The following ZNF865 variants were observed in gnomAD, a reference collection of about 807,000 sequenced individuals.
ZNF865 encodes zinc finger protein 865.
For missense variants in ZNF865, 1,311 were observed against 1,593.4 expected (o/e 0.82, Z 3.02); for synonymous variants, 763 against 750.8 (o/e 1.02, Z -0.27).
In ZNF865 at chr19:55,616,810, C is replaced by T. The variant is rs1323993683; in HGVS notation, c.*12C>T. 4 of 1,436,252 alleles carry T rather than the reference C, an allele frequency of 2.8e-6. No individual in the cohort carries two copies. Among genetic ancestry groups the T allele is most frequent in the Non-Finnish European group, 3.6e-6 (4 of 1,100,142 alleles). The allele number at this position is 1,436,252 out of a possible 1,614,324, so 89.0% of individuals were successfully genotyped here. ...GGAAGGATGCCTGACCGAGGGGTTC[C>T]CATCCCACTCCCATCAAAAGCCCCC... On this transcript the variant is annotated 3_prime_UTR_variant, in exon 2 of 2. Coordinates refer to ENST00000568956, the MANE Select transcript of ZNF865 (RefSeq NM_001195605.2).
At chr19:55,612,126 A>C (rs922744013) in intron 1 of ZNF865, among the ~76,000 whole-genome samples, 5 of 152,182 alleles carry the variant, frequency 3.3e-5, no homozygotes, top group Admixed American at 3.3e-4. Context: ...CAAATAGCTC[A>C]GGGGGTTGAA....
chr19:55,614,423 C>T lies in ZNF865; in HGVS notation c.805C>T (p.Arg269Cys), dbSNP rs1385347086. 1 of 1,458,322 alleles carries T rather than the reference C, an allele frequency of 6.9e-7. No individual in the cohort carries two copies. The highest frequency in any genetic ancestry group is 3.0e-5 in the East Asian group (1 of 33,024). The allele number at this position is 1,458,322 out of a possible 1,614,324, so 90.3% of individuals were successfully genotyped here. Residue 269 changes from arginine (R) to cysteine (C), a missense_variant, in exon 2 of 2, where the codon CGC (arginine) becomes TGC (cysteine). Coordinates refer to ENST00000568956, the MANE Select transcript of ZNF865 (RefSeq NM_001195605.2). This position sits in a 1 kb window ranked among gnomAD's most constrained non-coding sequence, Gnocchi z 8.0. ...RTYNHVSSLI[R>C]HRRCHKDVPP... ...CTACAACCACGTGTCCAGCCTCATCCGCCACCGCCGCTGCCACAAGGACGT... is the reference window on the plus strand; with the variant it reads ...CTACAACCACGTGTCCAGCCTCATCTGCCACCGCCGCTGCCACAAGGACGT...
In ZNF865 at chr19:55,615,517, C is replaced by T. The variant is rs897026454; in HGVS notation, c.1899C>T (p.Pro633=). Residue 633 remains proline, a synonymous_variant, in exon 2 of 2, where the codon CCC becomes CCT. Transcript: ENST00000568956. ...RHRQVHRLQL[P]CALAGAAGLP... ...GCCAGGTGCACCGGCTCCAGCTGCCCTGCGCCCTGGCCGGGGCAGCCGGCC... is the reference window on the plus strand; with the variant it reads ...GCCAGGTGCACCGGCTCCAGCTGCCTTGCGCCCTGGCCGGGGCAGCCGGCC... The T allele has an allele frequency of 6.6e-7, 1 of 1,508,902 alleles. No individual in the cohort carries two copies. The highest frequency in any genetic ancestry group is 8.8e-7 in the Non-Finnish European group (1 of 1,134,758). 93.5% of individuals were successfully genotyped at this position (1,508,902 alleles called of 1,614,324 possible).
At position 55,616,941 on chromosome 19, in the gene ZNF865, C is replaced by G; in HGVS notation, c.*143C>G. ...ACTGGCGACCTTCAGGGCGCACGCC[C>G]GACAGGCTCAAGACTGAATCACTCC... On this transcript the variant is annotated 3_prime_UTR_variant, in exon 2 of 2. Coordinates refer to ENST00000568956, the MANE Select transcript of ZNF865 (RefSeq NM_001195605.2). 1 of 863,032 alleles carries G rather than the reference C, an allele frequency of 1.2e-6. No homozygotes were observed. 53.5% of individuals were successfully genotyped at this position (863,032 alleles called of 1,614,324 possible).
At position 55,616,032 on chromosome 19, in the gene ZNF865, T is replaced by A; in HGVS notation, c.2414T>A (p.Leu805Gln). Residue 805 changes from leucine to glutamine, a missense_variant, in exon 2 of 2, where the codon CTG (leucine) becomes CAG (glutamine). Physicochemically the swap from Leu to Gln is moderately radical, Grantham distance 113 (BLOSUM62 -2). Coordinates refer to ENST00000568956, the MANE Select transcript of ZNF865 (RefSeq NM_001195605.2). ...TGCGGCCAGAGTTTCAAGCACTTCC[T>A]GGGCCTCGTGACTCACAAGTACGTG... ...ATCGQSFKHF[L>Q]GLVTHKYVHL... The A allele has an allele frequency of 6.6e-7, 1 of 1,525,918 alleles. No individual in the cohort carries two copies. The highest frequency in any genetic ancestry group is 8.8e-7 in the Non-Finnish European group (1 of 1,142,410). 94.5% of individuals were successfully genotyped at this position (1,525,918 alleles called of 1,614,324 possible).
At position 55,614,494 on chromosome 19, in the gene ZNF865, G is replaced by A; in HGVS notation, c.876G>A (p.Pro292=). The change falls in exon 2 of 2, where the codon CCG becomes CCA. Residue 292 remains proline, a synonymous_variant. Coordinates refer to ENST00000568956, the MANE Select transcript of ZNF865 (RefSeq NM_001195605.2). This position sits in a 1 kb window ranked among gnomAD's most constrained non-coding sequence, Gnocchi z 8.0. The stretch of plus-strand genomic sequence containing the variant: ...CGCCCCAGCCCGGCCCCCACCTCCC[G>A]CCGCTGGGCCTCCCAGCACCCGCTG... The part of the protein sequence containing the change: ...GGPPQPGPHL[P]PLGLPAPAAS... 4 of 842,628 alleles carry A rather than the reference G, an allele frequency of 4.7e-6. No homozygotes were observed. The highest frequency in any genetic ancestry group is 4.1e-5 in the South Asian group (2 of 48,590). The allele number at this position is 842,628 out of a possible 1,614,324, so 52.2% of individuals were successfully genotyped here.
In ZNF865 at chr19:55,616,391, C is replaced by G. The variant is rs2123594585; in HGVS notation, c.2773C>G (p.Leu925Val). The change falls in exon 2 of 2, where the codon CTG becomes GTG. Residue 925 changes from leucine (L) to valine (V), a missense_variant. Leu to Val is a conservative substitution (Grantham distance 32). Coordinates refer to ENST00000568956, the MANE Select transcript of ZNF865 (RefSeq NM_001195605.2). The part of the protein sequence containing the change: ...QSSSLAEHRR[L>V]HAVARPQRCS... ...GTCCAGCCTGGCAGAGCACCGGCGGCTGCACGCTGTGGCCCGGCCCCAGCG... is the reference window on the plus strand; with the variant it reads ...GTCCAGCCTGGCAGAGCACCGGCGGGTGCACGCTGTGGCCCGGCCCCAGCG... The G allele has an allele frequency of 6.6e-7, 1 of 1,506,974 alleles. No individual in the cohort carries two copies. The highest frequency in any genetic ancestry group is 8.8e-7 in the Non-Finnish European group (1 of 1,134,034). 93.4% of individuals were successfully genotyped at this position (1,506,974 alleles called of 1,614,324 possible). A position where few individuals can be genotyped will look rare whatever the true frequency, so the allele number is the denominator to read the frequency against.
At position 55,615,184 on chromosome 19, in the gene ZNF865, C is replaced by T. The variant is rs1299660847; in HGVS notation, c.1566C>T (p.Leu522=). Residue 522 remains leucine (L), a synonymous_variant, in exon 2 of 2, where the codon CTC becomes CTT. Transcript: ENST00000568956. The part of the protein sequence containing the change: ...AVVYGAVPVP[L]LGAHPLLLGG... ...TGTACGGCGCTGTGCCCGTCCCGCT[C>T]CTGGGCGCCCACCCGCTGCTGCTCG... The T allele has an allele frequency of 2.9e-6, 4 of 1,397,872 alleles. No individual in the cohort carries two copies. Among genetic ancestry groups the T allele is most frequent in the Non-Finnish European group, 3.7e-6 (4 of 1,087,446 alleles). The allele number at this position is 1,397,872 out of a possible 1,614,324, so 86.6% of individuals were successfully genotyped here.
Position 55,615,494 on chromosome 19 carries a change from C to T in ZNF865, c.1876C>T (p.Gln626Ter). The change falls in exon 2 of 2, where the codon CAG becomes TAG. Residue 626 changes from glutamine to a stop codon, truncating the protein, a stop_gained. Coordinates refer to ENST00000568956, the MANE Select transcript of ZNF865 (RefSeq NM_001195605.2). LOFTEE classifies it low-confidence loss of function (END_TRUNC). ...GYPQSLTRHR[Q>*]VHRLQLPCAL... is the part of the protein sequence containing the mutation. ...CCCGCAGAGCCTCACCCGCCACCGC[C>T]AGGTGCACCGGCTCCAGCTGCCCTG... The T allele has an allele frequency of 6.6e-7, 1 of 1,511,328 alleles. No individual in the cohort carries two copies. The highest frequency in any genetic ancestry group is 8.8e-7 in the Non-Finnish European group (1 of 1,135,074). The allele number at this position is 1,511,328 out of a possible 1,614,324, so 93.6% of individuals were successfully genotyped here.
chr19:55,616,555 G>A lies in ZNF865; in HGVS notation c.2937G>A (p.Gln979=), dbSNP rs1259016007. 2 of 1,533,556 alleles carry A rather than the reference G, an allele frequency of 1.3e-6. No individual in the cohort carries two copies. Among genetic ancestry groups the A allele is most frequent in the East Asian group, 2.4e-5 (1 of 40,822 alleles). The allele number at this position is 1,533,556 out of a possible 1,614,324, so 95.0% of individuals were successfully genotyped here. The change falls in exon 2 of 2, where the codon CAG becomes CAA. Residue 979 remains glutamine, a synonymous_variant. Coordinates refer to ENST00000568956, the MANE Select transcript of ZNF865 (RefSeq NM_001195605.2). ...FFYLSSVLRH[Q]RAHEPPRPEL... ...ACCTGAGCTCCGTGCTGCGCCACCA[G>A]CGCGCCCATGAGCCGCCGCGGCCCG...
In ZNF865 at chr19:55,615,478, C is replaced by T. The variant is rs1260857072; in HGVS notation, c.1860C>T (p.Ser620=). The T allele has an allele frequency of 1.1e-5, 17 of 1,510,576 alleles. No individual in the cohort carries two copies. The highest frequency in any genetic ancestry group is 1.5e-5 in the Non-Finnish European group (17 of 1,134,484). 93.6% of individuals were successfully genotyped at this position (1,510,576 alleles called of 1,614,324 possible). A position where few individuals can be genotyped will look rare whatever the true frequency, so the allele number is the denominator to read the frequency against. The part of the protein sequence containing the change: ...LCGKVFGYPQ[S]LTRHRQVHRL... ...GCAAGGTCTTCGGCTACCCGCAGAGCCTCACCCGCCACCGCCAGGTGCACC... is the reference window on the plus strand; with the variant it reads ...GCAAGGTCTTCGGCTACCCGCAGAGTCTCACCCGCCACCGCCAGGTGCACC... The change falls in exon 2 of 2, where the codon AGC becomes AGT. Residue 620 remains serine (S), a synonymous_variant. Coordinates refer to ENST00000568956, the MANE Select transcript of ZNF865 (RefSeq NM_001195605.2).
At position 55,614,228 on chromosome 19, in the gene ZNF865, G is replaced by A. The variant is rs1981253984; in HGVS notation, c.610G>A (p.Asp204Asn). The change falls in exon 2 of 2, where the codon GAC becomes AAC. Residue 204 changes from aspartate to asparagine, a missense_variant. By Grantham distance (23) the Asp-to-Asn change is conservative. Coordinates refer to ENST00000568956, the MANE Select transcript of ZNF865 (RefSeq NM_001195605.2). This position sits in a 1 kb window ranked among gnomAD's most constrained non-coding sequence, Gnocchi z 8.0. ...AGGACCCCCCGCGGCGGCGGCCTGC[G>A]ACCCCACCAAGGACGACAAGGGCTA... ...PPGPPAAAAC[D>N]PTKDDKGYFR... The A allele has an allele frequency of 4.0e-6, 6 of 1,509,090 alleles. No individual in the cohort carries two copies. Among genetic ancestry groups the A allele is most frequent in the Non-Finnish European group, 5.3e-6 (6 of 1,134,434 alleles). The allele number at this position is 1,509,090 out of a possible 1,614,324, so 93.5% of individuals were successfully genotyped here.
chr19:55,615,034 G>T lies in ZNF865; in HGVS notation c.1416G>T (p.Ala472=), dbSNP rs751407912. ...CCCCGCCCGCTGCCGCTGCGGAGGCGCCCAAGGACGGGGCGGCCTCGGCCC... is the reference window on the plus strand; with the variant it reads ...CCCCGCCCGCTGCCGCTGCGGAGGCTCCCAAGGACGGGGCGGCCTCGGCCC... ...AHAPPAAAAE[A]PKDGAASAPQ... Residue 472 remains alanine (A), a synonymous_variant, in exon 2 of 2, where the codon GCG becomes GCT. Coordinates refer to ENST00000568956, the MANE Select transcript of ZNF865 (RefSeq NM_001195605.2). 4.6e-6 allele frequency: 6 copies of T among 1,295,804 alleles called. No individual in the cohort carries two copies. The highest frequency in any genetic ancestry group is 5.9e-6 in the Non-Finnish European group (6 of 1,024,078). 80.3% of individuals were successfully genotyped at this position (1,295,804 alleles called of 1,614,324 possible).
At chr19:55,607,417 TAGTG>T (rs985013248) in intron 1 of ZNF865, among the ~76,000 whole-genome samples, 4 of 116,956 alleles carry the variant, frequency 3.4e-5, no homozygotes, top group African/African-American at 1.4e-4. Flanking sequence ...CTCGGCAACA[TAGTG>T]AGACCCTGTC....
At chr19:55,608,312 CTTT>C (rs758447041) in intron 1 of ZNF865, among the ~76,000 whole-genome samples, 2 of 125,286 alleles carry the variant, frequency 1.6e-5, no homozygotes, top group Non-Finnish European at 1.7e-5. Flanking sequence ...AGGACTGTGG[CTTT>C]TTTTTTTTTT....
At position 55,611,973 on chromosome 19, in the gene ZNF865, CG is replaced by C. The variant is rs1379423017; in HGVS notation, c.-26-1615del. 6.6e-6 allele frequency among the ~76,000 whole-genome samples: 1 copy of C among 151,862 alleles called. No individual in the cohort carries two copies. The highest frequency in any genetic ancestry group is 1.5e-5 in the Non-Finnish European group (1 of 67,962). Reference sequence around the variant, plus strand: ...TAAAGGAGGTGCCAGAGAATGATGCCGGGGGTGGAGGGTCAGGAGAAGCCCC... The same window carrying C: ...TAAAGGAGGTGCCAGAGAATGATGCCGGGGTGGAGGGTCAGGAGAAGCCCC... On this transcript the variant is annotated intron_variant, in intron 1 of 1. Transcript: ENST00000568956. This position sits in a 1 kb window ranked among gnomAD's most constrained non-coding sequence, Gnocchi z 4.5.
rs1981387785 is a variant in ZNF865 at position 55,617,036 on chromosome 19, T to C, written c.*238T>C. ...ACCCTATCCTCCGTCCAACCCTCGT[T>C]TGTGACCCGCATCAGCCCCCGCCCC... On this transcript the variant is annotated 3_prime_UTR_variant, in exon 2 of 2. Transcript: ENST00000568956. 1 of 430,476 alleles carries C rather than the reference T, an allele frequency of 2.3e-6. No individual in the cohort carries two copies. The highest frequency in any genetic ancestry group is 4.0e-6 in the Non-Finnish European group (1 of 248,702). The allele number at this position is 430,476 out of a possible 1,614,324, so 26.7% of individuals were successfully genotyped here. A position where few individuals can be genotyped will look rare whatever the true frequency, so the allele number is the denominator to read the frequency against.
rs1313978424 is a variant in ZNF865, at chr19:55,615,978, C to T, written c.2360C>T (p.Ser787Phe). ...AVAGAGGGASSGPERFSCATC... is the reference protein window; with the variant it reads ...AVAGAGGGASFGPERFSCATC... The stretch of plus-strand genomic sequence containing the variant: ...GCAGGTGCTGGCGGGGGTGCCAGTT[C>T]CGGCCCCGAGCGCTTCAGCTGTGCC... The change falls in exon 2 of 2, where the codon TCC (serine) becomes TTC (phenylalanine). Residue 787 changes from serine to phenylalanine, a missense_variant. Physicochemically the swap from Ser to Phe is radical, Grantham distance 155. Coordinates refer to ENST00000568956, the MANE Select transcript of ZNF865 (RefSeq NM_001195605.2). 6.6e-7 allele frequency: 1 copy of T among 1,515,392 alleles called. No homozygotes were observed. The highest frequency in any genetic ancestry group is 8.8e-7 in the Non-Finnish European group (1 of 1,137,194). The allele number at this position is 1,515,392 out of a possible 1,614,324, so 93.9% of individuals were successfully genotyped here.
rs1202223329 is a variant in ZNF865, at chr19:55,610,569, C to T, written c.-26-3024C>T. 3.9e-5 allele frequency among the ~76,000 whole-genome samples: 6 copies of T among 152,288 alleles called. No homozygotes were observed. In the South Asian group the frequency reaches 1.0e-3, roughly 26 times the overall value. ...GGCCACCGCACCTGGCCAGCATTTT[C>T]TAATGTATGATTTCTTTGTGGACCC... On this transcript the variant is annotated intron_variant, in intron 1 of 1. Coordinates refer to ENST00000568956, the MANE Select transcript of ZNF865 (RefSeq NM_001195605.2).
Sources: allele counts gnomAD v4.1 joint callset (sites outside exome capture counted in the v4.1 genomes callset), GRCh38; gene constraint gnomAD v4.1.1; non-coding constraint Gnocchi (gnomAD v3.1); transcripts MANE v1.5; gene names NCBI Gene and HGNC (gene_info 2026-07-23, HGNC 2026-07-21).